Variants in RSL24D1 observed in about 807,000 individuals in gnomAD.
The protein encoded by RSL24D1 is ribosomal L24 domain containing 1.
In RSL24D1, 6 loss-of-function variants were observed where a neutral mutation model predicts 26.2. The ratio of observed to expected loss-of-function variants is 0.23; its 90% CI spans 0.13 to 0.45. The LOEUF is 0.45. Among genes scored for constraint, RSL24D1 ranks in the 20% least tolerant of loss-of-function variants. RSL24D1 has a pLI of 0.99. For synonymous variants in RSL24D1, 61 were observed against 59.1 expected (o/e 1.03, Z -0.15); for missense variants, 176 against 202.6 (o/e 0.87, Z 0.80).
intron 3 of RSL24D1, among the ~76,000 whole-genome samples, chr15:55,186,835 C>G (rs925114176): frequency 2.0e-5 from 3 of 151,992 alleles, no homozygotes; most frequent in African/African-American, 7.3e-5. Flanking sequence ...ACATATTAAA[C>G]TAGGGACCAA....
intron 4 of RSL24D1, among the ~76,000 whole-genome samples, chr15:55,183,687 C>T (rs1395085954): frequency 6.6e-6 from 1 of 152,112 alleles, no homozygotes; most frequent in Non-Finnish European, 1.5e-5. Flanking sequence ...TACATTTATT[C>T]CCAAATCTAA....
chr15:55,196,745 C>T, intron 1 of RSL24D1, 65 bp downstream of exon 1: 2 of 1,527,870 alleles, frequency 1.3e-6, no homozygotes, highest in Non-Finnish European at 9.1e-7. Context: ...CACCCAGCAC[C>T]GAGCCGCCGC....
Position 55,182,089 on chromosome 15 carries a change from A to C in RSL24D1, c.*63T>G. ...CCTTATGTAAAAAATAAAATAATTT[A>C]GCAGTTCCAAGTATCCAAAGGGCAT... On this transcript the variant is annotated 3_prime_UTR_variant, in exon 6 of 6. Coordinates refer to ENST00000260443, the MANE Select transcript of RSL24D1 (RefSeq NM_016304.3). The C allele has an allele frequency of 2.1e-6, 2 of 936,460 alleles. No homozygotes were observed. Among genetic ancestry groups the C allele is most frequent in the Non-Finnish European group, 3.4e-6 (2 of 587,222 alleles). The allele number at this position is 936,460 out of a possible 1,614,324, so 58.0% of individuals were successfully genotyped here.
At position 55,183,317 on chromosome 15, in the gene RSL24D1, G is replaced by A. The variant is rs1316315609; in HGVS notation, c.416C>T (p.Ala139Val). Reference sequence around the variant, plus strand: ...TAGATGTGCAATGTAGTACTCACCTGCAAGAGGGGCTCGGATAAGATGGAT... The same window carrying A: ...TAGATGTGCAATGTAGTACTCACCTACAAGAGGGGCTCGGATAAGATGGAT... ...QNIHLIRAPL[A>V]GKGKQLEEKM... is the part of the protein sequence containing the mutation. The change falls in exon 5 of 6, where the codon GCA (alanine) becomes GTA (valine). Residue 139 changes from alanine (A) to valine (V), a missense_variant and splice_region_variant. Physicochemically the swap from Ala to Val is moderately conservative, Grantham distance 64. Around this residue, in one of 3 missense-constraint regions of RSL24D1, gnomAD observed 43 missense variants for 38.7 expected, o/e 1.11. Coordinates refer to ENST00000260443, the MANE Select transcript of RSL24D1 (RefSeq NM_016304.3). 5.0e-6 allele frequency: 8 copies of A among 1,610,868 alleles called. No homozygotes were observed. The highest frequency in any genetic ancestry group is 6.8e-6 in the Non-Finnish European group (8 of 1,179,038).
At chr15:55,194,357 T>G (rs1277750431) in intron 1 of RSL24D1, 2 of 152,208 alleles carry the variant, frequency 1.3e-5, no homozygotes, top group East Asian at 3.8e-4. Flanking sequence ...GATCAAGATC[T>G]GACTAGGATA....
At chr15:55,196,225 C>G (rs1894354156) in intron 1 of RSL24D1, 4 of 423,092 alleles carry the variant, frequency 9.5e-6, no homozygotes, top group South Asian at 6.8e-5. Flanking sequence ...CGTTCTCTGC[C>G]TTTTCTCAAA....
In RSL24D1 at chr15:55,181,926, T is replaced by G. The variant is rs936834385; in HGVS notation, c.*226A>C. On this transcript the variant is annotated 3_prime_UTR_variant, in exon 6 of 6. Transcript: ENST00000260443. ...CACAATTCACTTCTATAGTTACAAG[T>G]AGAATTTTCATGATTTACTTAAGTA... 5 of 446,684 alleles carry G rather than the reference T, an allele frequency of 1.1e-5. No individual in the cohort carries two copies. The highest frequency in any genetic ancestry group is 9.8e-5 in the African/African-American group (5 of 50,776). 27.7% of individuals were successfully genotyped at this position (446,684 alleles called of 1,614,324 possible).
At chr15:55,190,904 G>T in intron 3 of RSL24D1, 71 bp downstream of exon 3, 2 of 953,456 alleles carry the variant, frequency 2.1e-6, no homozygotes, top group South Asian at 3.0e-5. Context: ...ACAACAAACT[G>T]ACACTTAAAG....
intron 3 of RSL24D1, among the ~76,000 whole-genome samples, chr15:55,188,982 A>G (rs1894254273): frequency 6.6e-6 from 1 of 152,206 alleles, no homozygotes; most frequent in Non-Finnish European, 1.5e-5. Flanking sequence ...GCCTGAGCTC[A>G]GAAGTTCACC....
At chr15:55,185,774 C>T (rs1894217960) in intron 3 of RSL24D1, among the ~76,000 whole-genome samples, 1 of 152,122 alleles carries the variant, frequency 6.6e-6, no homozygotes, top group Non-Finnish European at 1.5e-5. Context: ...TTGTAATTTC[C>T]ATGAATAAAG....
At chr15:55,190,091 T>C (rs967493637) in intron 3 of RSL24D1, among the ~76,000 whole-genome samples, 6 of 151,576 alleles carry the variant, frequency 4.0e-5, no homozygotes, top group Admixed American at 3.9e-4. Flanking sequence ...CTACTAAAAA[T>C]ACAAAAATTA....
intron 3 of RSL24D1, among the ~76,000 whole-genome samples, chr15:55,187,305 C>T (rs1388104869): frequency 1.3e-5 from 2 of 152,070 alleles, no homozygotes; most frequent in African/African-American, 2.4e-5. Flanking sequence ...AAAATAAGTA[C>T]AAGTTCTAGT....
chr15:55,185,950 A>C (rs1894219757), intron 3 of RSL24D1, among the ~76,000 whole-genome samples: 1 of 152,192 alleles, frequency 6.6e-6, no homozygotes, highest in Non-Finnish European at 1.5e-5. Flanking sequence ...GGCTGAGTCC[A>C]ACTATGCTCT....
chr15:55,184,828 C>A (rs1376391102), intron 4 of RSL24D1, among the ~76,000 whole-genome samples: 2 of 152,004 alleles, frequency 1.3e-5, no homozygotes, highest in Non-Finnish European at 2.9e-5. Context: ...AGGTGCCTAG[C>A]CAAAATCTAA....
In RSL24D1 at chr15:55,182,100, G is replaced by A; in HGVS notation, c.*52C>T. On this transcript the variant is annotated 3_prime_UTR_variant, in exon 6 of 6. Coordinates refer to ENST00000260443, the MANE Select transcript of RSL24D1 (RefSeq NM_016304.3). ...AAATAAAATAATTTAGCAGTTCCAA[G>A]TATCCAAAGGGCATTTTCAAATGTA... 1 of 1,089,900 alleles carries A rather than the reference G, an allele frequency of 9.2e-7. No homozygotes were observed. Among genetic ancestry groups the A allele is most frequent in the Non-Finnish European group, 1.4e-6 (1 of 720,290 alleles). 67.5% of individuals were successfully genotyped at this position (1,089,900 alleles called of 1,614,324 possible).
chr15:55,187,004 G>A (rs1894231575), intron 3 of RSL24D1, among the ~76,000 whole-genome samples: 1 of 152,236 alleles, frequency 6.6e-6, no homozygotes, highest in East Asian at 1.9e-4. Context: ...CAACTTTTCT[G>A]TAATCTGAAA....
intron 2 of RSL24D1, 45 bp from the exon 3 acceptor site, chr15:55,191,092 G>T: frequency 1.5e-6 from 2 of 1,353,850 alleles, no homozygotes; most frequent in Non-Finnish European, 2.0e-6. Flanking sequence ...TTTAAGAAAG[G>T]TAGAAAGGAA....
Position 55,190,173 on chromosome 15 carries a change from GGGAGGCAGTGA to G in RSL24D1, c.268+791_268+801del, listed in dbSNP as rs1373374579. On this transcript the variant is annotated intron_variant, in intron 3 of 5. Transcript: ENST00000260443. ...TGAGGCAGGAGAATTGCTTGAACCT[GGGAGGCAGTGA>G]TTGCAGTGAGCCGAGATCGTGCCAC... Among the ~76,000 whole-genome samples, 7 of 151,468 alleles carry G rather than the reference GGGAGGCAGTGA, an allele frequency of 4.6e-5. No homozygotes were observed. The South Asian group carries it at 1.0e-3, about 23-fold the overall frequency.
chr15:55,191,635 C>T (rs933298088), intron 2 of RSL24D1, among the ~76,000 whole-genome samples: 4 of 152,186 alleles, frequency 2.6e-5, no homozygotes, highest in African/African-American at 7.2e-5. Flanking sequence ...ACACGGTTAC[C>T]GTTGCTAGTG....
Sources: gnomAD v4.1 joint callset for allele counts (sites outside exome capture counted in the v4.1 genomes callset) on GRCh38, gnomAD v4.1.1 for gene constraint, gnomAD v4.1.1 regional missense constraint, MANE v1.5 for transcripts, NCBI Gene and HGNC (gene_info 2026-07-23, HGNC 2026-07-21) for gene names.